The following DRC9 variants were observed in gnomAD, a reference collection of about 807,000 sequenced individuals.
The protein encoded by DRC9 is dynein regulatory complex subunit 9.
At chr3:197,938,191 C>A in the DRC9 span, among the ~76,000 whole-genome samples, 1 of 151,814 alleles carries the variant, frequency 6.6e-6, no homozygotes, top group Non-Finnish European at 1.5e-5. Context: ...GTGGCGTGCA[C>A]CTGTAATCCC....
At chr3:197,950,527 C>A in the DRC9 span, 3 of 311,708 alleles carry the variant, frequency 9.6e-6, no homozygotes, top group Non-Finnish European at 1.7e-5. Context: ...CCTCCCAGTC[C>A]ATACCTTCCT....
chr3:197,911,938 C>T, the DRC9 span, among the ~76,000 whole-genome samples: 1 of 151,626 alleles, frequency 6.6e-6, no homozygotes, highest in Non-Finnish European at 1.5e-5. Flanking sequence ...CCATGTCCGG[C>T]CTTTATTTAT....
the DRC9 span, among the ~76,000 whole-genome samples, chr3:197,910,905 G>A: frequency 6.6e-6 from 1 of 150,926 alleles, no homozygotes; most frequent in African/African-American, 2.4e-5. Context: ...CCAGGAGGCC[G>A]AGGTTGCAGT....
the DRC9 span, chr3:197,954,546 G>A: frequency 3.1e-6 from 1 of 322,082 alleles, no homozygotes; most frequent in Non-Finnish European, 6.0e-6. Flanking sequence ...GTCTCACTTT[G>A]TCACGCAGGC....
the DRC9 span, chr3:197,955,600 T>A: frequency 1.6e-5 from 12 of 728,306 alleles, no homozygotes; most frequent in East Asian, 3.1e-4. Flanking sequence ...TTACGGTATG[T>A]TCACGTAGAG....
chr3:197,913,030 G>T, the DRC9 span: 1 of 371,008 alleles, frequency 2.7e-6, no homozygotes. Flanking sequence ...ACAAGGCTGT[G>T]GGGCTTAAAA....
At chr3:197,913,628 C>T in the DRC9 span, 1 of 589,918 alleles carries the variant, frequency 1.7e-6, no homozygotes, top group Non-Finnish European at 3.0e-6. Flanking sequence ...TAAGAAGTGA[C>T]CAAGGAGAGA....
the DRC9 span, chr3:197,949,308 A>C: frequency 6.6e-6 from 1 of 152,196 alleles, no homozygotes; most frequent in South Asian, 2.1e-4. Context: ...AATATGCAAT[A>C]ATTCGGAAAT....
the DRC9 span, among the ~76,000 whole-genome samples, chr3:197,892,160 G>T: frequency 6.6e-6 from 1 of 152,224 alleles, no homozygotes. Context: ...AAAGTGCTGG[G>T]ATTATAGGCG....
chr3:197,893,022 ATACAC>A, the DRC9 span, among the ~76,000 whole-genome samples: 1 of 152,148 alleles, frequency 6.6e-6, no homozygotes, highest in African/African-American at 2.4e-5. Flanking sequence ...TCATCAAACT[ATACAC>A]TAAGTACTTA....
At chr3:197,906,768 C>G in the DRC9 span, 16 of 152,326 alleles carry the variant, frequency 1.1e-4, no homozygotes, top group African/African-American at 3.9e-4. Context: ...TCCCCCCACA[C>G]CCTCACACCC....
At chr3:197,928,601 C>T in the DRC9 span, among the ~76,000 whole-genome samples, 170 of 152,180 alleles carry the variant, frequency 1.1e-3, no homozygotes, top group Non-Finnish European at 1.5e-3. Context: ...CCATCCACAT[C>T]GTCTTCCCAA....
At chr3:197,925,436 G>A in the DRC9 span, among the ~76,000 whole-genome samples, 20,550 of 121,252 alleles carry the variant, frequency 0.17, 2,167 homozygotes, top group African/African-American at 0.34. Flanking sequence ...GATGGGATGA[G>A]GTCATCTGTG....
At chr3:197,909,178 T>C in the DRC9 span, among the ~76,000 whole-genome samples, 1 of 152,216 alleles carries the variant, frequency 6.6e-6, no homozygotes, top group South Asian at 2.1e-4. Flanking sequence ...GACAAACTCA[T>C]GTGTAATCCT....
At chr3:197,953,952 G>T in the DRC9 span, 16 of 1,603,856 alleles carry the variant, frequency 1.0e-5, no homozygotes, top group Middle Eastern at 2.3e-4. Context: ...CCTTGAATTT[G>T]TATCCAACTA....
the DRC9 span, among the ~76,000 whole-genome samples, chr3:197,909,484 G>C: frequency 6.6e-6 from 1 of 152,110 alleles, no homozygotes; most frequent in Non-Finnish European, 1.5e-5. Flanking sequence ...CTTAGAGACA[G>C]AACCAAGAAG....
the DRC9 span, among the ~76,000 whole-genome samples, chr3:197,926,388 TAGC>T: frequency 1.3e-5 from 2 of 152,148 alleles, no homozygotes; most frequent in Non-Finnish European, 2.9e-5. Flanking sequence ...AATCTAAAAA[TAGC>T]TGCTGCTGAG....
chr3:197,949,800 C>A, the DRC9 span: 2 of 361,402 alleles, frequency 5.5e-6, no homozygotes, highest in Admixed American at 4.6e-5. Flanking sequence ...CTGTGTGTAT[C>A]GAGAGAAAAG....
At chr3:197,909,052 A>G in the DRC9 span, among the ~76,000 whole-genome samples, 1 of 152,248 alleles carries the variant, frequency 6.6e-6, no homozygotes, top group African/African-American at 2.4e-5. Context: ...AGGGAGCTTT[A>G]AAGTGATTTG....
Sources: allele counts gnomAD v4.1 joint callset (sites outside exome capture counted in the v4.1 genomes callset), GRCh38; gene constraint gnomAD v4.1.1; transcripts MANE v1.5; gene names NCBI Gene and HGNC (gene_info 2026-07-23, HGNC 2026-07-21).